Variants in CHST12 observed in about 807,000 individuals in gnomAD.
CHST12 encodes the protein carbohydrate sulfotransferase 12.
Under a neutral mutation model 27.9 loss-of-function variants are expected in CHST12, and 23 were observed. The observed-to-expected ratio is 0.82, with a 90% CI of 0.59 to 1.17. The LOEUF is 1.17. CHST12 is among the 50% of genes most tolerant of loss of function. CHST12 has a pLI of 0.00. For missense variants in CHST12, 682 were observed against 603.0 expected, an observed-to-expected ratio of 1.13 and a Z score of -1.37; for synonymous variants, 322 against 273.0, an observed-to-expected ratio of 1.18 and a Z score of -1.77.
At chr7:2,407,037 TAAA>T (rs752422764) in intron 1 of CHST12, among the ~76,000 whole-genome samples, 1 of 143,070 alleles carries the variant, frequency 7.0e-6, no homozygotes. Context: ...CTCTCGGATG[TAAA>T]AAAAAAAAAT....
chr7:2,406,591 A>G (rs1781531476), intron 1 of CHST12, among the ~76,000 whole-genome samples: 1 of 152,066 alleles, frequency 6.6e-6, no homozygotes. Context: ...TTTGGCTCCC[A>G]GAACATGACC....
chr7:2,423,461 A>G (rs1451876890), intron 1 of CHST12, among the ~76,000 whole-genome samples: 1 of 152,140 alleles, frequency 6.6e-6, no homozygotes. Flanking sequence ...GAGAGACAGC[A>G]GCAGGCCCTC....
In CHST12 at chr7:2,436,149, T is replaced by TA. The variant is rs1327178773; in HGVS notation, c.*2265_*2266insA. On this transcript the variant is annotated 3_prime_UTR_variant, in exon 2 of 2. Transcript: ENST00000618655. ...TTTTATTATGATAAAAATGTTTAAT[T>TA]TTAAACGTACCATCTTAACCATTGT... The TA allele has an allele frequency of 6.6e-6, 1 of 152,236 alleles. No individual in the cohort carries two copies. The highest frequency in any genetic ancestry group is 1.9e-4 in the East Asian group (1 of 5,198). 9.4% of individuals were successfully genotyped at this position (152,236 alleles called of 1,614,324 possible).
chr7:2,416,058 C>A (rs1343304666), intron 1 of CHST12, among the ~76,000 whole-genome samples: 1 of 152,198 alleles, frequency 6.6e-6, no homozygotes, highest in Non-Finnish European at 1.5e-5. Flanking sequence ...TCTTCTCAAA[C>A]CTTGCCACTG....
intron 1 of CHST12, among the ~76,000 whole-genome samples, chr7:2,416,212 T>A (rs1264218147): frequency 1.3e-5 from 2 of 152,226 alleles, no homozygotes; most frequent in African/African-American, 4.8e-5. Flanking sequence ...TCTGTTCAGC[T>A]TTGAACATGA....
chr7:2,421,837 A>T (rs1781984073), intron 1 of CHST12, among the ~76,000 whole-genome samples: 1 of 152,182 alleles, frequency 6.6e-6, no homozygotes, highest in African/African-American at 2.4e-5. Context: ...AAGTGCTGGG[A>T]TTACAGGCAT....
Position 2,447,415 on chromosome 7 carries a change from T to G in CHST12, c.*13531T>G, listed in dbSNP as rs915437054. ...GTCAGAGGTCATTTCCCATACCCCC[T>G]CAAAGGTACTTCTTGCTGTGGTCCC... On this transcript the variant is annotated 3_prime_UTR_variant, in exon 2 of 2. Coordinates refer to ENST00000618655, the MANE Select transcript of CHST12 (RefSeq NM_018641.5). 7.2e-5 allele frequency: 11 copies of G among 152,246 alleles called. No homozygotes were observed. Among genetic ancestry groups the G allele is most frequent in the African/African-American group, 2.7e-4 (11 of 41,440 alleles). The allele number at this position is 152,246 out of a possible 1,614,324, so 9.4% of individuals were successfully genotyped here. A position where few individuals can be genotyped will look rare whatever the true frequency, so the allele number is the denominator to read the frequency against.
chr7:2,424,775 ATCC>A (rs1002562430), intron 1 of CHST12, among the ~76,000 whole-genome samples: 5 of 152,090 alleles, frequency 3.3e-5, no homozygotes, highest in Admixed American at 6.6e-5. Flanking sequence ...ACCAACAGAA[ATCC>A]TCCTCGTCCT....
At chr7:2,425,367 T>C (rs1341132990) in intron 1 of CHST12, among the ~76,000 whole-genome samples, 1 of 152,148 alleles carries the variant, frequency 6.6e-6, no homozygotes, top group East Asian at 1.9e-4. Context: ...TGTTGGGCTC[T>C]TCCAGAAACC....
Position 2,419,968 on chromosome 7 carries a change from CTTTTTTTT to C in CHST12, c.-77-12579_-77-12572del, listed in dbSNP as rs869252983. On this transcript the variant is annotated intron_variant, in intron 1 of 1. Coordinates refer to ENST00000618655, the MANE Select transcript of CHST12 (RefSeq NM_018641.5). Reference sequence around the variant, plus strand: ...ACAAGTAGAATCTTGAAATATTTGTCTTTTTTTTTTTTTTTTTTTTTTTGAGATGGAGT... The same window carrying C: ...ACAAGTAGAATCTTGAAATATTTGTCTTTTTTTTTTTTTTTGAGATGGAGT... Among the ~76,000 whole-genome samples, 22 of 81,408 alleles carry C rather than the reference CTTTTTTTT, an allele frequency of 2.7e-4. 1 individual carries two copies. In the South Asian group the frequency reaches 9.0e-3, roughly 33 times the overall value. The allele number at this position is 81,408 out of a possible 152,430, so 53.4% of individuals were successfully genotyped here. A position where few individuals can be genotyped will look rare whatever the true frequency, so the allele number is the denominator to read the frequency against.
At chr7:2,417,509 C>T (rs1464985769) in intron 1 of CHST12, among the ~76,000 whole-genome samples, 1 of 151,612 alleles carries the variant, frequency 6.6e-6, no homozygotes, top group African/African-American at 2.4e-5. Context: ...CCTGCCTCAA[C>T]CTCCCATGTA....
Position 2,433,465 on chromosome 7 carries a change from C to T in CHST12, c.826C>T (p.Arg276Trp), listed in dbSNP as rs1483202953. ...FYRKFAVPML[R>W]LYANHTSLPA... ...CCGCAAGTTCGCCGTGCCCATGCTG[C>T]GGCTGTACGCCAACCACACCAGCCT... The change falls in exon 2 of 2, where the codon CGG (arginine) becomes TGG (tryptophan). Residue 276 changes from arginine to tryptophan, a missense_variant. Physicochemically the swap from Arg to Trp is moderately radical, Grantham distance 101. Coordinates refer to ENST00000618655, the MANE Select transcript of CHST12 (RefSeq NM_018641.5). This position sits in a 1 kb window ranked among gnomAD's most constrained non-coding sequence, Gnocchi z 6.1. The T allele has an allele frequency of 5.0e-6, 8 of 1,610,734 alleles. No homozygotes were observed. In the Admixed American group the frequency reaches 8.3e-5, roughly 17 times the overall value.
At chr7:2,403,489 C>G (rs1363297536), upstream of CHST12, 2 of 151,632 alleles carry the variant, frequency 1.3e-5, no homozygotes, top group African/African-American at 4.9e-5. Flanking sequence ...GCGCTGAGGG[C>G]GGGCGCCCCT....
Position 2,437,586 on chromosome 7 carries a change from T to G in CHST12, c.*3702T>G, listed in dbSNP as rs1305903781. The G allele has an allele frequency of 6.6e-6, 1 of 152,246 alleles. No individual in the cohort carries two copies. Among genetic ancestry groups the G allele is most frequent in the Admixed American group, 6.5e-5 (1 of 15,272 alleles). 9.4% of individuals were successfully genotyped at this position (152,246 alleles called of 1,614,324 possible). On this transcript the variant is annotated 3_prime_UTR_variant, in exon 2 of 2. Transcript: ENST00000618655. The stretch of plus-strand genomic sequence containing the variant: ...TTTCAGGTTTGGTTTTGGCCCTATG[T>G]CTTGATGGAGGGCAAGGGTTAGGAT...
rs141011969 is a variant in CHST12 at position 2,442,991 on chromosome 7, G to C, written c.*9107G>C. The C allele has an allele frequency of 4.0e-5, 6 of 151,410 alleles. No individual in the cohort carries two copies. Among genetic ancestry groups the C allele is most frequent in the Non-Finnish European group, 8.8e-5 (6 of 67,844 alleles). The allele number at this position is 151,410 out of a possible 1,614,324, so 9.4% of individuals were successfully genotyped here. A position where few individuals can be genotyped will look rare whatever the true frequency, so the allele number is the denominator to read the frequency against. On this transcript the variant is annotated 3_prime_UTR_variant, in exon 2 of 2. Transcript: ENST00000618655. ...GGCTGGAGTGCAGTGGCATGATCTC[G>C]GCTCACTGCAACCCCTGCTTCCTGG...
chr7:2,405,180 C>T (rs972771482), intron 1 of CHST12, among the ~76,000 whole-genome samples: 1 of 152,056 alleles, frequency 6.6e-6, no homozygotes, highest in Non-Finnish European at 1.5e-5. Flanking sequence ...CGAGGTGGCT[C>T]GTGACTGTAA....
chr7:2,432,105 G>A (rs964590854), intron 1 of CHST12, among the ~76,000 whole-genome samples: 28 of 125,172 alleles, frequency 2.2e-4, no homozygotes, highest in African/African-American at 8.2e-4. Flanking sequence ...TCGGGCCACT[G>A]CACTCCAGCC....
At chr7:2,426,922 C>T (rs950949690) in intron 1 of CHST12, among the ~76,000 whole-genome samples, 40 of 152,096 alleles carry the variant, frequency 2.6e-4, no homozygotes, top group African/African-American at 9.2e-4. Context: ...ACCTGGGAGG[C>T]GGAGGTTGCA....
chr7:2,425,588 G>A (rs1782094880), intron 1 of CHST12, among the ~76,000 whole-genome samples: 1 of 152,134 alleles, frequency 6.6e-6, no homozygotes, highest in Admixed American at 6.6e-5. Flanking sequence ...ACTGTTGTGA[G>A]CACAGGTGGT....
Sources: gnomAD v4.1 joint callset for allele counts (sites outside exome capture counted in the v4.1 genomes callset) on GRCh38, gnomAD v4.1.1 for gene constraint, Gnocchi (gnomAD v3.1) non-coding constraint, MANE v1.5 for transcripts, NCBI Gene and HGNC (gene_info 2026-07-23, HGNC 2026-07-21) for gene names.